SNTB2: variants seen among roughly 807,000 people sequenced by gnomAD.
SNTB2 encodes beta-2-syntrophin.
Under a neutral mutation model 46.2 loss-of-function variants are expected in SNTB2, and 34 were observed. The observed-to-expected ratio is 0.74, with a 90% CI of 0.56 to 0.98. The LOEUF (loss-of-function observed/expected upper bound fraction) is 0.98, where lower values mean the gene tolerates loss of function less well. Among genes scored for constraint, SNTB2 ranks in the 50% least tolerant of loss-of-function variants. The probability of loss-of-function intolerance (pLI) is 0.00; values close to 1 mark genes in which losing one functional copy is unlikely to be tolerated. For synonymous variants in SNTB2, 290 were observed against 312.6 expected (o/e 0.93, Z 0.76); for missense variants, 603 against 731.4 (o/e 0.82, Z 2.02).
At chr16:69,193,316 G>C (rs778277606) in intron 1 of SNTB2, among the ~76,000 whole-genome samples, 14 of 117,516 alleles carry the variant, frequency 1.2e-4, no homozygotes, top group Non-Finnish European at 2.5e-4. Flanking sequence ...AGATGGTATA[G>C]ACTTTTTTTT....
intron 2 of SNTB2, among the ~76,000 whole-genome samples, chr16:69,258,215 T>TAC: frequency 6.6e-6 from 1 of 152,328 alleles, no homozygotes; most frequent in South Asian, 2.1e-4. Flanking sequence ...TGTCAATTTG[T>TAC]AGCCTACCAT....
At chr16:69,190,271 T>C (rs1964037575) in intron 1 of SNTB2, among the ~76,000 whole-genome samples, 1 of 152,208 alleles carries the variant, frequency 6.6e-6, no homozygotes, top group Admixed American at 6.5e-5. Flanking sequence ...TGATGCTTTT[T>C]TGTGGTGTGG....
intron 3 of SNTB2, among the ~76,000 whole-genome samples, chr16:69,266,456 G>C (rs961419628): frequency 6.6e-6 from 1 of 151,692 alleles, no homozygotes; most frequent in Admixed American, 6.6e-5. Context: ...TTTTCCAATG[G>C]TAAGTAGAAG....
At chr16:69,241,577 A>T (rs1281675903) in intron 1 of SNTB2, among the ~76,000 whole-genome samples, 2 of 147,204 alleles carry the variant, frequency 1.4e-5, no homozygotes, top group Non-Finnish European at 3.0e-5. Flanking sequence ...ACTTGAGGTC[A>T]GGAGTTGGCA....
chr16:69,249,023 CTTTT>C (rs34530998), intron 2 of SNTB2, among the ~76,000 whole-genome samples: 4 of 125,798 alleles, frequency 3.2e-5, no homozygotes, highest in Non-Finnish European at 3.3e-5. Context: ...TCATTTCTTT[CTTTT>C]TTTTTTTTTT....
Position 69,191,234 on chromosome 16 carries a change from AGAAAG to A in SNTB2, c.580+3489_580+3493del, listed in dbSNP as rs1462036090. On this transcript the variant is annotated intron_variant, in intron 1 of 6. Transcript: ENST00000336278. The stretch of plus-strand genomic sequence containing the variant: ...CTTGACTAGCTTTAAAAAAAAAAAA[AGAAAG>A]AAAGAAAAGAAAAGAGAAAAAAAGA... 2.7e-5 allele frequency: 4 copies of A among 148,624 alleles called. No homozygotes were observed. The Admixed American group carries it at 2.7e-4, about 10-fold the overall frequency. 9.2% of individuals were successfully genotyped at this position (148,624 alleles called of 1,614,324 possible).
At chr16:69,196,572 A>G (rs545135512) in intron 1 of SNTB2, among the ~76,000 whole-genome samples, 4 of 151,762 alleles carry the variant, frequency 2.6e-5, no homozygotes, top group South Asian at 2.1e-4. Context: ...ATGGAGTTTC[A>G]CCATATTGGT....
At position 69,260,065 on chromosome 16, in the gene SNTB2, T is replaced by G. The variant is rs1305161224; in HGVS notation, c.810T>G (p.His270Gln). The G allele has an allele frequency of 6.2e-7, 1 of 1,613,630 alleles. No homozygotes were observed. The highest frequency in any genetic ancestry group is 8.5e-7 in the Non-Finnish European group (1 of 1,179,598). ...PDLENRLIEL[H>Q]SPDSRNTLIL... The stretch of plus-strand genomic sequence containing the variant: ...TTCCACACAGATTGATAGAGCTACA[T>G]TCTCCTGATAGCAGGAACACGTTGA... Residue 270 changes from histidine to glutamine, a missense_variant, in exon 3 of 7, where the codon CAT becomes CAG. Transcript: ENST00000336278.
At position 69,307,009 on chromosome 16, in the gene SNTB2, C is replaced by G; in HGVS notation, c.*6085C>G. On this transcript the variant is annotated 3_prime_UTR_variant, in exon 7 of 7. Transcript: ENST00000336278. ...AGTCCCTTTCTCAGTTTGCAATAAT[C>G]TTACGTCCATGCTATTGACACTAAT... 6.6e-6 allele frequency: 1 copy of G among 152,290 alleles called. No individual in the cohort carries two copies. Among genetic ancestry groups the G allele is most frequent in the Admixed American group, 6.5e-5 (1 of 15,296 alleles). 9.4% of individuals were successfully genotyped at this position (152,290 alleles called of 1,614,324 possible). A position where few individuals can be genotyped will look rare whatever the true frequency, so the allele number is the denominator to read the frequency against.
intron 6 of SNTB2, 70 bp from the exon 7 acceptor site, chr16:69,300,762 T>C (rs2143210947): frequency 1.9e-6 from 2 of 1,037,828 alleles, no homozygotes; most frequent in South Asian, 2.6e-5. Flanking sequence ...AAATTTATTT[T>C]GCATCTTCGT....
intron 1 of SNTB2, among the ~76,000 whole-genome samples, chr16:69,232,660 C>T (rs1371758439): frequency 2.0e-5 from 3 of 150,822 alleles, no homozygotes; most frequent in Non-Finnish European, 2.9e-5. Context: ...TACAGGCGTG[C>T]GCCAACACAC....
intron 1 of SNTB2, among the ~76,000 whole-genome samples, chr16:69,221,436 G>C (rs1964403086): frequency 6.6e-6 from 1 of 152,122 alleles, no homozygotes; most frequent in African/African-American, 2.4e-5. Context: ...CTAATAGAAT[G>C]TCTGGAAATT....
intron 4 of SNTB2, among the ~76,000 whole-genome samples, chr16:69,273,578 T>C (rs1332555070): frequency 6.6e-6 from 1 of 152,164 alleles, no homozygotes; most frequent in Non-Finnish European, 1.5e-5. Context: ...GGGGAGCTAA[T>C]GGGTACAGGA....
At chr16:69,273,778 A>G (rs1415190003) in intron 4 of SNTB2, among the ~76,000 whole-genome samples, 6 of 152,232 alleles carry the variant, frequency 3.9e-5, no homozygotes, top group Non-Finnish European at 2.9e-5. Context: ...ACTGATTCCT[A>G]ATAAACTGAA....
At chr16:69,237,376 C>T (rs1463033083) in intron 1 of SNTB2, among the ~76,000 whole-genome samples, 1 of 152,020 alleles carries the variant, frequency 6.6e-6, no homozygotes, top group Non-Finnish European at 1.5e-5. Context: ...GGTAAGAAAA[C>T]ATTGATAACC....
At chr16:69,261,987 T>C (rs190790408) in intron 3 of SNTB2, among the ~76,000 whole-genome samples, 2 of 152,090 alleles carry the variant, frequency 1.3e-5, no homozygotes, top group Non-Finnish European at 2.9e-5. Flanking sequence ...GGTGGGAGAA[T>C]CGCTCAAGAC....
chr16:69,229,378 C>G (rs1964485637), intron 1 of SNTB2, among the ~76,000 whole-genome samples: 1 of 151,578 alleles, frequency 6.6e-6, no homozygotes, highest in Non-Finnish European at 1.5e-5. Flanking sequence ...CCATGTTGCC[C>G]AGGCTGGTCT....
At chr16:69,285,114 A>G (rs1010428221) in intron 5 of SNTB2, among the ~76,000 whole-genome samples, 3 of 152,306 alleles carry the variant, frequency 2.0e-5, no homozygotes. Flanking sequence ...TGCATTATGC[A>G]TTTCTCCAAA....
At position 69,211,827 on chromosome 16, in the gene SNTB2, C is replaced by T. The variant is rs114201751; in HGVS notation, c.580+24081C>T. ...ACATGAGTGAGATATACGTTGTGTC[C>T]TTTCTTTAAGTTCTTCAAAAATAAA... On this transcript the variant is annotated intron_variant, in intron 1 of 6. Coordinates refer to ENST00000336278, the MANE Select transcript of SNTB2 (RefSeq NM_006750.4). Among the ~76,000 whole-genome samples, 738 of 152,232 alleles carry T rather than the reference C, an allele frequency of 4.8e-3. 3 individuals are homozygous for T. The highest frequency in any genetic ancestry group is 0.017 in the African/African-American group (719 of 41,522).
Sources: allele counts gnomAD v4.1 joint callset (sites outside exome capture counted in the v4.1 genomes callset), GRCh38; gene constraint gnomAD v4.1.1; transcripts MANE v1.5; gene names NCBI Gene and HGNC (gene_info 2026-07-23, HGNC 2026-07-21).